LHFPL3: variants seen among roughly 807,000 people sequenced by gnomAD.
LHFPL3 encodes LHFPL tetraspan subfamily member 3 protein.
A neutral mutation model predicts 19.3 loss-of-function variants in LHFPL3; 5 were observed. That is an observed-to-expected ratio of 0.26 (90% CI 0.14 to 0.54). The LOEUF (loss-of-function observed/expected upper bound fraction) is 0.54, where lower values mean the gene tolerates loss of function less well. LHFPL3 is among the 20% of genes least tolerant of loss of function. LHFPL3 has a pLI of 0.94. For synonymous variants in LHFPL3, 133 were observed against 126.2 expected, an observed-to-expected ratio of 1.05 and a Z score of -0.36; for missense variants, 249 against 307.4, an observed-to-expected ratio of 0.81 and a Z score of 1.42.
At chr7:104,616,441 A>G (rs1397812524) in intron 1 of LHFPL3, among the ~76,000 whole-genome samples, 1 of 152,220 alleles carries the variant, frequency 6.6e-6, no homozygotes, top group Non-Finnish European at 1.5e-5. Context: ...CCATATGCAG[A>G]AAACTGAAAC....
chr7:104,692,627 G>A (rs942439389), intron 1 of LHFPL3, among the ~76,000 whole-genome samples: 2 of 152,232 alleles, frequency 1.3e-5, no homozygotes, highest in East Asian at 3.9e-4. Context: ...GCTTCAGAGG[G>A]TGCAAGCCCC....
chr7:104,891,091 TTCATA>T (rs1792233822), intron 2 of LHFPL3, among the ~76,000 whole-genome samples: 1 of 151,762 alleles, frequency 6.6e-6, no homozygotes, highest in African/African-American at 2.4e-5. Context: ...ACCCCCAACT[TTCATA>T]TCAGAGACAT....
chr7:104,879,992 G>A (rs943667367), intron 2 of LHFPL3, among the ~76,000 whole-genome samples: 2 of 152,120 alleles, frequency 1.3e-5, no homozygotes, highest in Non-Finnish European at 2.9e-5. Flanking sequence ...AGGAATTGGA[G>A]GCCAGCCTGG....
intron 1 of LHFPL3, among the ~76,000 whole-genome samples, chr7:104,576,606 T>C (rs1008497161): frequency 2.6e-5 from 4 of 152,198 alleles, no homozygotes; most frequent in African/African-American, 9.6e-5. Flanking sequence ...GGCAGACCTA[T>C]TGATCCTCTG....
At chr7:104,400,145 A>AAAAAAAAAAAAAAAT (rs1791285890) in intron 1 of LHFPL3, among the ~76,000 whole-genome samples, 1 of 111,998 alleles carries the variant, frequency 8.9e-6, no homozygotes, top group Admixed American at 1.1e-4. Flanking sequence ...AAAAAAAAAA[A>AAAAAAAAAAAAAAAT]AAGACTCTAC....
At chr7:104,747,325 A>C (rs1794066909) in intron 2 of LHFPL3, among the ~76,000 whole-genome samples, 4 of 152,178 alleles carry the variant, frequency 2.6e-5, no homozygotes, top group African/African-American at 9.7e-5. Flanking sequence ...GATGAGGAAC[A>C]AAGCCAAGCC....
intron 1 of LHFPL3, among the ~76,000 whole-genome samples, chr7:104,461,805 A>C (rs1004091749): frequency 1.3e-5 from 2 of 152,176 alleles, no homozygotes; most frequent in East Asian, 3.8e-4. Context: ...TTGGTAGTTT[A>C]ATAGGAATAG....
intron 1 of LHFPL3, among the ~76,000 whole-genome samples, chr7:104,673,751 C>T (rs1248663057): frequency 1.3e-5 from 2 of 152,184 alleles, no homozygotes; most frequent in African/African-American, 4.8e-5. Context: ...GAAGTCAGAG[C>T]ATCCTCAATT....
At chr7:104,469,929 C>T (rs1401824348) in intron 1 of LHFPL3, 2 of 444,128 alleles carry the variant, frequency 4.5e-6, no homozygotes, top group Admixed American at 4.7e-5. Flanking sequence ...CCTCTGAGCA[C>T]AGTTATAGCA....
At chr7:104,607,436 A>G (rs924106314) in intron 1 of LHFPL3, among the ~76,000 whole-genome samples, 2 of 152,226 alleles carry the variant, frequency 1.3e-5, no homozygotes, top group Non-Finnish European at 1.5e-5. Flanking sequence ...CATTAACTAC[A>G]TACAGAACCA....
At chr7:104,358,988 A>G (rs1790338001) in intron 1 of LHFPL3, among the ~76,000 whole-genome samples, 1 of 152,228 alleles carries the variant, frequency 6.6e-6, no homozygotes, top group Non-Finnish European at 1.5e-5. Flanking sequence ...ATTTCCAACA[A>G]GAGTTATGGA....
At chr7:104,745,681 A>G (rs1460059416) in intron 2 of LHFPL3, among the ~76,000 whole-genome samples, 1 of 152,198 alleles carries the variant, frequency 6.6e-6, no homozygotes, top group Non-Finnish European at 1.5e-5. Flanking sequence ...CACTAGCCCA[A>G]GCCAAATTCA....
intron 1 of LHFPL3, among the ~76,000 whole-genome samples, chr7:104,360,197 G>A (rs1003504524): frequency 2.6e-5 from 4 of 152,186 alleles, no homozygotes; most frequent in African/African-American, 9.7e-5. Context: ...AGGAAGATCT[G>A]GGCAATGGCA....
At chr7:104,416,632 G>C (rs549792387) in intron 1 of LHFPL3, among the ~76,000 whole-genome samples, 26 of 152,312 alleles carry the variant, frequency 1.7e-4, no homozygotes, top group Middle Eastern at 6.8e-3. Context: ...ATAAAGAATG[G>C]AATTCTTGCA....
intron 2 of LHFPL3, among the ~76,000 whole-genome samples, chr7:104,841,696 T>C (rs1243248736): frequency 1.3e-5 from 2 of 152,158 alleles, no homozygotes; most frequent in African/African-American, 2.4e-5. Flanking sequence ...CTCAACTGCC[T>C]CTTTTTACTA....
chr7:104,798,397 G>A (rs1028358228), intron 2 of LHFPL3: 13 of 152,030 alleles, frequency 8.6e-5, no homozygotes, highest in African/African-American at 2.9e-4. Context: ...TTCATCTGTG[G>A]AAAAAATAAC....
intron 2 of LHFPL3, among the ~76,000 whole-genome samples, chr7:104,824,257 ATATATAT>A (rs1360639892): frequency 6.3e-4 from 9 of 14,314 alleles, no homozygotes; most frequent in East Asian, 8.3e-3. Flanking sequence ...ATATATAATT[ATATATAT>A]TATATATTAT....
At chr7:104,384,464 G>A (rs1790893896) in intron 1 of LHFPL3, among the ~76,000 whole-genome samples, 2 of 151,980 alleles carry the variant, frequency 1.3e-5, no homozygotes, top group Admixed American at 6.6e-5. Context: ...GCTATGAGGC[G>A]CTTGTATGAA....
intron 1 of LHFPL3, among the ~76,000 whole-genome samples, chr7:104,545,806 GA>G (rs1242102954): frequency 7.2e-5 from 11 of 152,132 alleles, no homozygotes; most frequent in African/African-American, 2.7e-4. Context: ...AAAAGTTGAA[GA>G]GCAAAAAAAC....
Sources: allele counts gnomAD v4.1 joint callset (sites outside exome capture counted in the v4.1 genomes callset), GRCh38; gene constraint gnomAD v4.1.1; transcripts MANE v1.5; gene names NCBI Gene and HGNC (gene_info 2026-07-23, HGNC 2026-07-21).